SLC8A1: variants seen among roughly 807,000 people sequenced by gnomAD.
The protein encoded by SLC8A1 is solute carrier family 8 member A1, also known as sodium/calcium exchanger 1.
Under a neutral mutation model 68.3 loss-of-function variants are expected in SLC8A1, and 18 were observed. The observed-to-expected ratio is 0.26, with a 90% CI of 0.18 to 0.39. SLC8A1 has a LOEUF of 0.39. SLC8A1 is among the 10% of genes least tolerant of loss of function. SLC8A1 has a pLI of 1.00. For missense variants in SLC8A1, 985 were observed against 1,156.7 expected (o/e 0.85, Z 2.15); for synonymous variants, 475 against 415.5 (o/e 1.14, Z -1.74).
intron 2 of SLC8A1, among the ~76,000 whole-genome samples, chr2:40,330,931 C>A (rs2076343232): frequency 6.6e-6 from 1 of 152,126 alleles, no homozygotes; most frequent in African/African-American, 2.4e-5. Context: ...ACCTGCAAAC[C>A]AGAGCCACAT....
rs183222959 is a variant in SLC8A1 at position 40,175,524 on chromosome 2, A to G, written c.1913-682T>C. Among the ~76,000 whole-genome samples, 1,141 of 140,986 alleles carry G rather than the reference A, an allele frequency of 8.1e-3. 12 individuals are homozygous for G. Among genetic ancestry groups the G allele is most frequent in the Non-Finnish European group, 0.013 (827 of 62,056 alleles). 92.5% of individuals were successfully genotyped at this position (140,986 alleles called of 152,430 possible). ...TACGTATATGTGTGTGTGTGTGTGT[A>G]TATGTATTTCACCTTATATATAATT... On this transcript the variant is annotated intron_variant, in intron 3 of 7. Transcript: ENST00000406785.
chr2:40,245,830 G>T (rs139247563), intron 2 of SLC8A1, among the ~76,000 whole-genome samples: 1 of 152,096 alleles, frequency 6.6e-6, no homozygotes, highest in Non-Finnish European at 1.5e-5. Flanking sequence ...TCGTAGAATG[G>T]TAAGAGGTTT....
intron 2 of SLC8A1, among the ~76,000 whole-genome samples, chr2:40,333,220 C>A (rs935520520): frequency 6.6e-6 from 1 of 151,908 alleles, no homozygotes. Context: ...GGGCGGATCA[C>A]GACGTCAGGA....
chr2:40,356,438 C>G (rs1043169434), intron 2 of SLC8A1, among the ~76,000 whole-genome samples: 1 of 151,836 alleles, frequency 6.6e-6, no homozygotes, highest in Non-Finnish European at 1.5e-5. Context: ...ATTTATGATG[C>G]TTTAAATAAA....
chr2:40,224,359 G>A (rs1350067253), intron 2 of SLC8A1, among the ~76,000 whole-genome samples: 16 of 152,036 alleles, frequency 1.1e-4, no homozygotes. Context: ...TCTGCTCAAC[G>A]CTAAAAGCCC....
At chr2:40,472,883 T>G (rs1044731401) in intron 1 of SLC8A1, among the ~76,000 whole-genome samples, 2 of 152,188 alleles carry the variant, frequency 1.3e-5, no homozygotes, top group Non-Finnish European at 2.9e-5. Flanking sequence ...TAGAATATAC[T>G]GACTGTTATT....
At chr2:40,396,702 A>G (rs1687005078) in intron 2 of SLC8A1, among the ~76,000 whole-genome samples, 1 of 140,312 alleles carries the variant, frequency 7.1e-6, no homozygotes, top group South Asian at 2.3e-4. Flanking sequence ...GTGAGCTTTT[A>G]TCTTTGTTAA....
intron 2 of SLC8A1, among the ~76,000 whole-genome samples, chr2:40,218,035 G>C (rs1181647269): frequency 6.6e-6 from 1 of 152,182 alleles, no homozygotes; most frequent in Non-Finnish European, 1.5e-5. Context: ...ATTTGTCTCA[G>C]TGGGGTAGTA....
intron 2 of SLC8A1, among the ~76,000 whole-genome samples, chr2:40,271,607 C>A (rs2066037562): frequency 6.6e-6 from 1 of 152,146 alleles, no homozygotes; most frequent in Admixed American, 6.5e-5. Flanking sequence ...CACTAGAATG[C>A]AGAAGAAAAA....
At chr2:40,202,641 A>G (rs2054608130) in intron 2 of SLC8A1, among the ~76,000 whole-genome samples, 1 of 152,032 alleles carries the variant, frequency 6.6e-6, no homozygotes, top group African/African-American at 2.4e-5. Context: ...TGCAGAAATC[A>G]CCAAGGGTGA....
chr2:40,417,790 T>C (rs927663875), intron 2 of SLC8A1, among the ~76,000 whole-genome samples: 4 of 152,098 alleles, frequency 2.6e-5, no homozygotes, highest in African/African-American at 7.2e-5. Context: ...CCATTCACTT[T>C]TATTCCATGT....
chr2:40,261,966 C>CCTT (rs71404291), intron 2 of SLC8A1, among the ~76,000 whole-genome samples: 239 of 142,098 alleles, frequency 1.7e-3, no homozygotes, highest in Admixed American at 4.3e-3. Flanking sequence ...TGTCTTTTCA[C>CCTT]TTTTTTTTTT....
At chr2:40,209,130 G>A (rs2056081364) in intron 2 of SLC8A1, 1 of 152,088 alleles carries the variant, frequency 6.6e-6, no homozygotes, top group African/African-American at 2.4e-5. Flanking sequence ...TATGCTAGAT[G>A]TGCTATGGAA....
At chr2:40,306,057 G>T (rs1398717358) in intron 2 of SLC8A1, among the ~76,000 whole-genome samples, 1 of 152,152 alleles carries the variant, frequency 6.6e-6, no homozygotes, top group African/African-American at 2.4e-5. Flanking sequence ...TATTTCCAAG[G>T]AACTGTCTAT....
chr2:40,298,308 C>T (rs1268624152), intron 2 of SLC8A1, among the ~76,000 whole-genome samples: 1 of 152,194 alleles, frequency 6.6e-6, no homozygotes, highest in Non-Finnish European at 1.5e-5. Flanking sequence ...TCCACCAAAA[C>T]TCCGGCTAGC....
intron 6 of SLC8A1, among the ~76,000 whole-genome samples, chr2:40,155,943 G>C (rs2044390968): frequency 6.6e-6 from 1 of 152,102 alleles, no homozygotes; most frequent in African/African-American, 2.4e-5. Context: ...AGATTCCACT[G>C]GCATTCCCGA....
chr2:40,324,101 C>A (rs777475850), intron 2 of SLC8A1, among the ~76,000 whole-genome samples: 3 of 151,822 alleles, frequency 2.0e-5, no homozygotes, highest in Non-Finnish European at 4.4e-5. Flanking sequence ...CATATAGTCA[C>A]CCTACTTATA....
intron 2 of SLC8A1, among the ~76,000 whole-genome samples, chr2:40,412,707 G>T (rs1045238459): frequency 1.3e-5 from 2 of 152,148 alleles, no homozygotes; most frequent in Non-Finnish European, 2.9e-5. Flanking sequence ...AACCACAGCT[G>T]CTAAAATTGC....
At chr2:40,330,152 A>G (rs1266068823) in intron 2 of SLC8A1, among the ~76,000 whole-genome samples, 9 of 152,324 alleles carry the variant, frequency 5.9e-5, no homozygotes, top group Admixed American at 5.2e-4. Context: ...TATTAGGACT[A>G]ATGGTTATTC....
Sources: allele counts gnomAD v4.1 joint callset (sites outside exome capture counted in the v4.1 genomes callset), GRCh38; gene constraint gnomAD v4.1.1; transcripts MANE v1.5; gene names NCBI Gene and HGNC (gene_info 2026-07-23, HGNC 2026-07-21).